Variants in CLRN1 observed in about 807,000 individuals in gnomAD.
CLRN1 encodes the protein clarin 1, also known as clarin-1.
Under a neutral mutation model 18.7 loss-of-function variants are expected in CLRN1, and 15 were observed. The observed-to-expected ratio is 0.80, with a 90% CI of 0.54 to 1.23. The LOEUF (loss-of-function observed/expected upper bound fraction) is 1.23, where lower values mean the gene tolerates loss of function less well. Ranked by LOEUF, CLRN1 falls within the 50% of genes most tolerant of loss-of-function variation. The pLI, the probability that CLRN1 is intolerant of heterozygous loss-of-function variation, is 0.00. For missense variants in CLRN1, 311 were observed against 277.5 expected, an observed-to-expected ratio of 1.12 and a Z score of -0.86; for synonymous variants, 104 against 102.9, an observed-to-expected ratio of 1.01 and a Z score of -0.07.
chr3:150,933,893 G>A (rs1713307630), intron 2 of CLRN1, among the ~76,000 whole-genome samples: 1 of 152,164 alleles, frequency 6.6e-6, no homozygotes, highest in African/African-American at 2.4e-5. Context: ...AACATCAGCT[G>A]TCTAACATTA....
intron 1 of CLRN1, among the ~76,000 whole-genome samples, chr3:150,963,012 A>C (rs1439863963): frequency 6.6e-6 from 1 of 152,190 alleles, no homozygotes; most frequent in African/African-American, 2.4e-5. Flanking sequence ...TACTATTCTT[A>C]AAATAGGTGG....
intron 2 of CLRN1, among the ~76,000 whole-genome samples, chr3:150,937,409 C>T (rs1713557493): frequency 6.6e-6 from 1 of 152,134 alleles, no homozygotes; most frequent in African/African-American, 2.4e-5. Context: ...GCACTGGCTA[C>T]AAATTAGAAT....
chr3:150,931,675 A>T (rs920467745), intron 2 of CLRN1, among the ~76,000 whole-genome samples: 2 of 152,136 alleles, frequency 1.3e-5, no homozygotes, highest in African/African-American at 4.8e-5. Context: ...TGTGCAGTGG[A>T]GCCAGGCAGG....
chr3:150,934,106 A>AT (rs1462049663), intron 2 of CLRN1, among the ~76,000 whole-genome samples: 2 of 152,108 alleles, frequency 1.3e-5, no homozygotes, highest in South Asian at 2.1e-4. Flanking sequence ...TAAGATGCAG[A>AT]TTTTTTTTCA....
chr3:150,934,688 G>A (rs1713355420), intron 2 of CLRN1, among the ~76,000 whole-genome samples: 1 of 152,062 alleles, frequency 6.6e-6, no homozygotes, highest in Non-Finnish European at 1.5e-5. Flanking sequence ...ACCTAGAATG[G>A]AATATATAAA....
At chr3:150,926,560 A>G (rs1198602605), downstream of CLRN1, 3 of 577,496 alleles carry the variant, frequency 5.2e-6, no homozygotes, top group Non-Finnish European at 9.4e-6. Flanking sequence ...ATTTAAGGGG[A>G]AAAACCAGCA....
intron 1 of CLRN1, among the ~76,000 whole-genome samples, chr3:150,960,392 G>A (rs777514781): frequency 6.6e-6 from 1 of 152,194 alleles, no homozygotes; most frequent in African/African-American, 2.4e-5. Context: ...GGTGGTCAGA[G>A]TACATGTCTC....
intron 1 of CLRN1, chr3:150,942,534 G>A (rs1367283901): frequency 2.3e-6 from 1 of 439,338 alleles, no homozygotes; most frequent in East Asian, 7.4e-5. Flanking sequence ...AAGTGCTTAA[G>A]TTATTCACTG....
chr3:150,942,128 T>A (rs1417295837), intron 1 of CLRN1, among the ~76,000 whole-genome samples: 1 of 152,216 alleles, frequency 6.6e-6, no homozygotes, highest in African/African-American at 2.4e-5. Flanking sequence ...TAACTTGCAA[T>A]GATATTTTAA....
chr3:150,945,061 C>A (rs758801546), intron 1 of CLRN1, among the ~76,000 whole-genome samples: 5 of 152,086 alleles, frequency 3.3e-5, no homozygotes, highest in Non-Finnish European at 7.4e-5. Flanking sequence ...TGGTAGTCAC[C>A]CTCCAGGGCC....
intron 2 of CLRN1, among the ~76,000 whole-genome samples, chr3:150,929,308 A>G (rs1035402687): frequency 2.0e-5 from 3 of 152,204 alleles, no homozygotes; most frequent in Non-Finnish European, 2.9e-5. Flanking sequence ...GGAGACTTCC[A>G]GATGGGTGGA....
chr3:150,948,587 G>A (rs933816536), intron 1 of CLRN1, among the ~76,000 whole-genome samples: 1 of 150,424 alleles, frequency 6.6e-6, no homozygotes, highest in African/African-American at 2.4e-5. Context: ...ACACCCATAT[G>A]CACACAAACT....
chr3:150,972,923 C>T (rs764621798), upstream of CLRN1: 1 of 684,880 alleles, frequency 1.5e-6, no homozygotes, highest in South Asian at 1.6e-5. Context: ...TTTTCTGCTG[C>T]TTCTTCTCCC....
At chr3:150,963,047 T>C (rs182269484) in intron 1 of CLRN1, among the ~76,000 whole-genome samples, 1 of 152,300 alleles carries the variant, frequency 6.6e-6, no homozygotes, top group East Asian at 1.9e-4. Flanking sequence ...CAACACAGTA[T>C]TGGAAGTTCT....
At chr3:150,946,704 C>CTT (rs34471891) in intron 1 of CLRN1, among the ~76,000 whole-genome samples, 5 of 110,732 alleles carry the variant, frequency 4.5e-5, no homozygotes, top group Non-Finnish European at 5.8e-5. Context: ...CAGACCATTT[C>CTT]TTTTTTTTTT....
chr3:150,948,747 T>C (rs1576636683), intron 1 of CLRN1, among the ~76,000 whole-genome samples: 1 of 152,214 alleles, frequency 6.6e-6, no homozygotes, highest in East Asian at 1.9e-4. Flanking sequence ...TCCCAGGACC[T>C]GATGGCTTCA....
chr3:150,936,608 A>G (rs1007158421), intron 2 of CLRN1, among the ~76,000 whole-genome samples: 4 of 152,194 alleles, frequency 2.6e-5, no homozygotes, highest in African/African-American at 7.2e-5. Context: ...CTCCAATGTG[A>G]TGGTATTGTC....
At chr3:150,956,613 G>T (rs890623762) in intron 1 of CLRN1, among the ~76,000 whole-genome samples, 1 of 152,094 alleles carries the variant, frequency 6.6e-6, no homozygotes, top group African/African-American at 2.4e-5. Flanking sequence ...TGAGTAAGTC[G>T]TAAGTTAATG....
intron 1 of CLRN1, chr3:150,943,731 G>A (rs530805779): frequency 1.9e-6 from 3 of 1,603,910 alleles, no homozygotes; most frequent in African/African-American, 1.3e-5. Context: ...GGCCCACTGA[G>A]CTGACAACAC....
Sources: gnomAD v4.1 joint callset for allele counts (sites outside exome capture counted in the v4.1 genomes callset) on GRCh38, gnomAD v4.1.1 for gene constraint, MANE v1.5 for transcripts, NCBI Gene and HGNC (gene_info 2026-07-23, HGNC 2026-07-21) for gene names.